MLIP: variants seen among roughly 807,000 people sequenced by gnomAD.
MLIP encodes the protein muscular LMNA interacting protein, also known as muscular LMNA-interacting protein.
A neutral mutation model predicts 84.8 loss-of-function variants in MLIP; 79 were observed. The ratio of observed to expected loss-of-function variants is 0.93; its 90% CI spans 0.78 to 1.12. The LOEUF (loss-of-function observed/expected upper bound fraction) is 1.12, where lower values mean the gene tolerates loss of function less well. MLIP is among the 50% of genes most tolerant of loss of function. The pLI is 0.00. For synonymous variants in MLIP, 504 were observed against 463.0 expected, an observed-to-expected ratio of 1.09 and a Z score of -1.14; for missense variants, 1,257 against 1,160.6, an observed-to-expected ratio of 1.08 and a Z score of -1.21.
At chr6:54,182,833 A>C (rs1052497062) in intron 9 of MLIP, among the ~76,000 whole-genome samples, 2 of 152,230 alleles carry the variant, frequency 1.3e-5, no homozygotes, top group Non-Finnish European at 2.9e-5. Flanking sequence ...TTACTAATGC[A>C]TCAAAAAACT....
intron 9 of MLIP, among the ~76,000 whole-genome samples, chr6:54,174,662 G>A (rs1340829085): frequency 6.6e-6 from 1 of 151,724 alleles, no homozygotes; most frequent in Non-Finnish European, 1.5e-5. Context: ...TTCTCAGATG[G>A]GTAGTTTGCA....
chr6:54,253,105 G>T (rs963794481), intron 12 of MLIP, among the ~76,000 whole-genome samples: 1 of 152,086 alleles, frequency 6.6e-6, no homozygotes, highest in Non-Finnish European at 1.5e-5. Context: ...AACTAACAAC[G>T]AGTTAGTTTT....
intron 4 of MLIP, among the ~76,000 whole-genome samples, chr6:54,146,448 A>T (rs994970551): frequency 1.3e-5 from 2 of 152,204 alleles, no homozygotes; most frequent in Non-Finnish European, 2.9e-5. Context: ...GAGTTGGTGA[A>T]GGAAGCAATA....
chr6:54,220,591 A>G (rs1044327003), intron 11 of MLIP, among the ~76,000 whole-genome samples: 2 of 152,178 alleles, frequency 1.3e-5, no homozygotes, highest in East Asian at 3.8e-4. Flanking sequence ...TAATGAGCCA[A>G]TTACTCCCAA....
chr6:54,025,177 C>T (rs9296733), intron 1 of MLIP, among the ~76,000 whole-genome samples: 32,180 of 151,920 alleles, frequency 0.21, 3,750 homozygotes, highest in South Asian at 0.42. Flanking sequence ...GCCATAATAT[C>T]TACTTATATA....
chr6:54,117,018 C>A (rs1244675429), intron 1 of MLIP, among the ~76,000 whole-genome samples: 1 of 152,040 alleles, frequency 6.6e-6, no homozygotes, highest in Non-Finnish European at 1.5e-5. Flanking sequence ...TCAATAGACG[C>A]AGAAAAGCAT....
In MLIP at chr6:54,076,946, C is replaced by A. The variant is rs117174680; in HGVS notation, c.64-44501C>A. Among the ~76,000 whole-genome samples the A allele has an allele frequency of 6.0e-4, 91 of 152,194 alleles. No individual in the cohort carries two copies. The East Asian group carries it at 0.015, about 25-fold the overall frequency. On this transcript the variant is annotated intron_variant, in intron 1 of 12. Coordinates refer to the MLIP transcript ENST00000274897. ...ATTTGGATCGTTAACCTGATTCTTA[C>A]AGCAACTGGATAACTATTTCCTTGC...
intron 12 of MLIP, among the ~76,000 whole-genome samples, chr6:54,235,111 C>A (rs1781276451): frequency 6.6e-6 from 1 of 152,206 alleles, no homozygotes; most frequent in African/African-American, 2.4e-5. Flanking sequence ...TCCCCAAACT[C>A]AAAACTTGAT....
chr6:54,164,198 C>T (rs1027064340), intron 8 of MLIP, among the ~76,000 whole-genome samples: 2 of 151,808 alleles, frequency 1.3e-5, no homozygotes, highest in African/African-American at 4.8e-5. Context: ...ATCTTTTCTT[C>T]CCCTTACATT....
At chr6:54,186,298 A>G (rs1777386298) in intron 9 of MLIP, among the ~76,000 whole-genome samples, 1 of 152,242 alleles carries the variant, frequency 6.6e-6, no homozygotes, top group Non-Finnish European at 1.5e-5. Flanking sequence ...ATTGTATTTT[A>G]GCCAAGCATA....
chr6:54,042,700 T>C (rs1764815511), intron 1 of MLIP, among the ~76,000 whole-genome samples: 1 of 152,208 alleles, frequency 6.6e-6, no homozygotes, highest in Non-Finnish European at 1.5e-5. Flanking sequence ...TCTGGAGTCA[T>C]AAGACTATCA....
chr6:54,163,906 T>C (rs1774909451), intron 8 of MLIP, among the ~76,000 whole-genome samples: 1 of 151,926 alleles, frequency 6.6e-6, no homozygotes, highest in East Asian at 1.9e-4. Flanking sequence ...CTTTATTTTG[T>C]CTTTTCATTT....
At chr6:54,213,730 A>AAAC (rs1779647235) in intron 11 of MLIP, among the ~76,000 whole-genome samples, 1 of 76,798 alleles carries the variant, frequency 1.3e-5, no homozygotes, top group Non-Finnish European at 3.0e-5. Context: ...AAAAAAAAAA[A>AAAC]AAAAAACAAC....
At chr6:54,057,296 T>C (rs954957041) in intron 1 of MLIP, among the ~76,000 whole-genome samples, 1 of 152,214 alleles carries the variant, frequency 6.6e-6, no homozygotes, top group Non-Finnish European at 1.5e-5. Context: ...TTATGCAATG[T>C]GAACTTTGGA....
At chr6:54,090,178 G>A (rs927376152) in intron 1 of MLIP, among the ~76,000 whole-genome samples, 4 of 152,054 alleles carry the variant, frequency 2.6e-5, no homozygotes, top group African/African-American at 9.7e-5. Flanking sequence ...AAGCATCAGA[G>A]GGAATTTGAT....
chr6:54,111,420 G>T (rs1582166772), upstream of MLIP: 1 of 1,532,918 alleles, frequency 6.5e-7, no homozygotes, highest in African/African-American at 1.4e-5. Flanking sequence ...TGTTGTTTTA[G>T]TATGAGGCTC....
rs1457664376 is a variant in MLIP, at chr6:54,195,129, C to T, written c.2589+5215C>T. On this transcript the variant is annotated intron_variant, in intron 10 of 13. Transcript: ENST00000502396. Reference sequence around the variant, plus strand: ...GAAATTCTAAAGGCAAAGAAAAAAGCACTGGAGAATGAAGACAAAACTGCA... The same window carrying T: ...GAAATTCTAAAGGCAAAGAAAAAAGTACTGGAGAATGAAGACAAAACTGCA... Among the ~76,000 whole-genome samples the T allele has an allele frequency of 3.9e-5, 6 of 152,112 alleles. No homozygotes were observed. The South Asian group carries it at 1.0e-3, about 26-fold the overall frequency.
chr6:54,026,948 C>T (rs548348366), intron 1 of MLIP, among the ~76,000 whole-genome samples: 2 of 152,248 alleles, frequency 1.3e-5, no homozygotes, highest in African/African-American at 4.8e-5. Context: ...GAAAATATTG[C>T]TATGCTCTTC....
intron 5 of MLIP, among the ~76,000 whole-genome samples, chr6:54,158,356 C>G (rs1774261876): frequency 6.6e-6 from 1 of 151,994 alleles, no homozygotes; most frequent in Non-Finnish European, 1.5e-5. Context: ...TTTCTGTTTA[C>G]AAATCTACCA....
Sources: gnomAD v4.1 joint callset for allele counts (sites outside exome capture counted in the v4.1 genomes callset) on GRCh38, gnomAD v4.1.1 for gene constraint, MANE v1.5 for transcripts, NCBI Gene and HGNC (gene_info 2026-07-23, HGNC 2026-07-21) for gene names.